The following ANKS1B variants were observed in gnomAD, a reference collection of about 807,000 sequenced individuals.
ANKS1B encodes ankyrin repeat and sterile alpha motif domain containing 1B, also known as ankyrin repeat and sterile alpha motif domain-containing protein 1B.
ANKS1B carries 36 observed loss-of-function variants against 148.3 expected under a neutral mutation model. The observed-to-expected ratio is 0.24, with a 90% CI of 0.19 to 0.32. The LOEUF (loss-of-function observed/expected upper bound fraction) is 0.32. ANKS1B is among the 10% of genes least tolerant of loss of function. The pLI is 1.00. For missense variants in ANKS1B, 1,157 were observed against 1,542.6 expected (o/e 0.75, Z 4.19); for synonymous variants, 542 against 560.8 (o/e 0.97, Z 0.47).
chr12:99,736,203 T>C (rs1346957664), intron 8 of ANKS1B, among the ~76,000 whole-genome samples: 2 of 151,890 alleles, frequency 1.3e-5, no homozygotes, highest in African/African-American at 4.8e-5. Context: ...AGACAAAGAT[T>C]TCCACTTTCA....
At chr12:99,528,692 G>A (rs200932383) in intron 9 of ANKS1B, among the ~76,000 whole-genome samples, 106 of 152,220 alleles carry the variant, frequency 7.0e-4, no homozygotes, top group African/African-American at 2.4e-3. Flanking sequence ...ATCAATCAAT[G>A]TAGCCATTAT....
chr12:98,817,511 C>A (rs2099151215), intron 19 of ANKS1B, among the ~76,000 whole-genome samples: 1 of 152,234 alleles, frequency 6.6e-6, no homozygotes, highest in Non-Finnish European at 1.5e-5. Context: ...CGCAGGCCAG[C>A]ATCTGATTAC....
intron 19 of ANKS1B, among the ~76,000 whole-genome samples, chr12:98,817,099 C>A (rs1272059519): frequency 6.6e-6 from 1 of 152,088 alleles, no homozygotes; most frequent in Non-Finnish European, 1.5e-5. Context: ...AAGAAACCAG[C>A]AAGAAATATG....
intron 1 of ANKS1B, among the ~76,000 whole-genome samples, chr12:99,843,902 A>G (rs965461078): frequency 5.3e-5 from 8 of 151,508 alleles, no homozygotes; most frequent in African/African-American, 1.9e-4. Flanking sequence ...TTTCTCCACA[A>G]CCTCGCATCT....
chr12:99,669,051 CAT>C (rs2098523870), intron 8 of ANKS1B, among the ~76,000 whole-genome samples: 4 of 152,126 alleles, frequency 2.6e-5, no homozygotes, highest in African/African-American at 9.7e-5. Flanking sequence ...GTATATCAAG[CAT>C]ATTTATAGCA....
At chr12:99,173,363 G>A (rs1479183541) in intron 14 of ANKS1B, among the ~76,000 whole-genome samples, 1 of 151,996 alleles carries the variant, frequency 6.6e-6, no homozygotes, top group Non-Finnish European at 1.5e-5. Context: ...CTAAAAACTG[G>A]TTTCTGCTTC....
intron 1 of ANKS1B, among the ~76,000 whole-genome samples, chr12:99,927,541 AG>A (rs2094504255): frequency 6.6e-6 from 1 of 152,234 alleles, no homozygotes; most frequent in East Asian, 1.9e-4. Flanking sequence ...TGTTTTTACA[AG>A]GGACTTATCA....
chr12:99,504,518 G>T lies in ANKS1B; in HGVS notation c.1396C>A (p.Pro466Thr). 1 of 1,612,566 alleles carries T rather than the reference G, an allele frequency of 6.2e-7. No individual in the cohort carries two copies. The highest frequency in any genetic ancestry group is 8.5e-7 in the Non-Finnish European group (1 of 1,179,438). Residue 466 changes from proline (P) to threonine (T), a missense_variant, in exon 10 of 27, where the codon CCT becomes ACT. By Grantham distance (38) the Pro-to-Thr change is conservative. Coordinates refer to ENST00000683438, the MANE Select transcript of ANKS1B (RefSeq NM_001352186.2). ...DLMDTAVTKK[P>T]CSLEIARAPS... ...GCCCTTGCAATTTCTAAGGAGCAAG[G>T]TTTCTTTGTAACAGCTGTGTCCATG...
intron 8 of ANKS1B, among the ~76,000 whole-genome samples, chr12:99,732,339 T>A (rs1166666030): frequency 3.3e-5 from 5 of 152,140 alleles, no homozygotes; most frequent in Non-Finnish European, 5.9e-5. Context: ...AAGACTTACA[T>A]GCAAAGATTC....
chr12:99,695,344 A>C (rs2053729027), intron 8 of ANKS1B, among the ~76,000 whole-genome samples: 1 of 152,230 alleles, frequency 6.6e-6, no homozygotes, highest in Non-Finnish European at 1.5e-5. Flanking sequence ...ATCAAATTTT[A>C]ATATGCACTT....
intron 12 of ANKS1B, among the ~76,000 whole-genome samples, chr12:99,262,000 C>G (rs1292227408): frequency 6.6e-6 from 1 of 152,130 alleles, no homozygotes; most frequent in Non-Finnish European, 1.5e-5. Flanking sequence ...CTTGCTGTTA[C>G]TCCAATGCAT....
At chr12:99,860,245 A>C (rs2089845527) in intron 1 of ANKS1B, among the ~76,000 whole-genome samples, 1 of 152,224 alleles carries the variant, frequency 6.6e-6, no homozygotes, top group South Asian at 2.1e-4. Context: ...AGAAGGCTTT[A>C]CAGCAAAGAA....
chr12:99,715,737 T>G (rs2153543190), intron 8 of ANKS1B, among the ~76,000 whole-genome samples: 1 of 152,220 alleles, frequency 6.6e-6, no homozygotes. Context: ...CTCACCAATT[T>G]TAAATCGGGT....
At chr12:99,040,270 G>A (rs538152463) in intron 17 of ANKS1B, among the ~76,000 whole-genome samples, 17 of 151,348 alleles carry the variant, frequency 1.1e-4, no homozygotes, top group African/African-American at 3.9e-4. Context: ...CTCTATGTGC[G>A]TGTGCGTGTG....
At chr12:98,874,283 GA>G (rs1200901109) in intron 17 of ANKS1B, among the ~76,000 whole-genome samples, 4 of 151,784 alleles carry the variant, frequency 2.6e-5, no homozygotes, top group Non-Finnish European at 1.5e-5. Flanking sequence ...AAAGAAATAA[GA>G]AGCCGAGCTT....
chr12:99,194,276 C>T (rs2081124660), intron 14 of ANKS1B, among the ~76,000 whole-genome samples: 1 of 151,968 alleles, frequency 6.6e-6, no homozygotes. Context: ...ATAAAGTCTT[C>T]AATAAATATT....
In ANKS1B at chr12:99,171,464, C is replaced by T. The variant is rs79637780; in HGVS notation, c.2420-17069G>A. Among the ~76,000 whole-genome samples the T allele has an allele frequency of 2.1e-3, 326 of 152,172 alleles. 1 individual carries two copies. The highest frequency in any genetic ancestry group is 3.5e-3 in the African/African-American group (145 of 41,526). On this transcript the variant is annotated intron_variant, in intron 14 of 26. Coordinates refer to ENST00000683438, the MANE Select transcript of ANKS1B (RefSeq NM_001352186.2). ...TCAACAAAGTTCTGGATCATAACGCCGAGATTTAAATAGGAAAATACTCCA... is the reference window on the plus strand; with the variant it reads ...TCAACAAAGTTCTGGATCATAACGCTGAGATTTAAATAGGAAAATACTCCA...
intron 9 of ANKS1B, 61 bp downstream of exon 9, chr12:99,655,006 A>ATCTTAAAAAC: frequency 6.7e-7 from 1 of 1,500,482 alleles, no homozygotes; most frequent in East Asian, 2.3e-5. Flanking sequence ...GGGAGATTTT[A>ATCTTAAAAAC]TCTTAAAAAC....
chr12:99,259,291 G>A, intron 12 of ANKS1B, among the ~76,000 whole-genome samples: 1 of 152,296 alleles, frequency 6.6e-6, no homozygotes, highest in East Asian at 1.9e-4. Context: ...CCCAAAGATT[G>A]CTGGTATGTT....
Sources: allele counts gnomAD v4.1 joint callset (sites outside exome capture counted in the v4.1 genomes callset), GRCh38; gene constraint gnomAD v4.1.1; transcripts MANE v1.5; gene names NCBI Gene and HGNC (gene_info 2026-07-23, HGNC 2026-07-21).